TTC28: variants seen among roughly 807,000 people sequenced by gnomAD.
TTC28 encodes the protein tetratricopeptide repeat protein 28.
In TTC28, 61 loss-of-function variants were observed where a neutral mutation model predicts 198.0. The observed-to-expected ratio is 0.31, with a 90% CI of 0.25 to 0.38. TTC28 has a LOEUF of 0.38. Among genes scored for constraint, TTC28 ranks in the 10% least tolerant of loss-of-function variants. TTC28 has a pLI of 1.00. For missense variants in TTC28, 2,678 were observed against 3,164.0 expected, an observed-to-expected ratio of 0.85 and a Z score of 3.69; for synonymous variants, 1,171 against 1,297.8, an observed-to-expected ratio of 0.90 and a Z score of 2.10.
chr22:28,114,340 C>G (rs1942572260), intron 6 of TTC28, among the ~76,000 whole-genome samples: 1 of 152,182 alleles, frequency 6.6e-6, no homozygotes, highest in Non-Finnish European at 1.5e-5. Flanking sequence ...CTCAAGTTTT[C>G]ACATATAAGT....
At chr22:28,471,467 T>TA (rs2048095735) in intron 2 of TTC28, among the ~76,000 whole-genome samples, 2 of 152,156 alleles carry the variant, frequency 1.3e-5, no homozygotes, top group Admixed American at 1.3e-4. Flanking sequence ...AATGCATGTT[T>TA]AACATAAACT....
intron 2 of TTC28, among the ~76,000 whole-genome samples, chr22:28,391,803 C>T (rs556745551): frequency 7.9e-4 from 121 of 152,302 alleles, no homozygotes; most frequent in Middle Eastern, 3.4e-3. Context: ...TCCCGTAGCT[C>T]GGAGTAATTT....
chr22:28,600,793 CAACAATTT>C (rs2050627769), intron 2 of TTC28, among the ~76,000 whole-genome samples: 1 of 152,132 alleles, frequency 6.6e-6, no homozygotes, highest in Non-Finnish European at 1.5e-5. Flanking sequence ...GCATTTTACT[CAACAATTT>C]GCAGCTCTTA....
In TTC28 at chr22:28,543,102, A is replaced by C. The variant is rs2049452757; in HGVS notation, c.381+86450T>G. ...GTAATCCCAGCACTTTGGGAGGCCA[A>C]GTTGTGAGGACTGCTTGAGTCCACG... On this transcript the variant is annotated intron_variant, in intron 2 of 22. Coordinates refer to ENST00000397906, the MANE Select transcript of TTC28 (RefSeq NM_001145418.2). Among the ~76,000 whole-genome samples, 3 of 152,320 alleles carry C rather than the reference A, an allele frequency of 2.0e-5. No homozygotes were observed. The South Asian group carries it at 6.2e-4, about 32-fold the overall frequency.
intron 6 of TTC28, among the ~76,000 whole-genome samples, chr22:28,155,012 C>T (rs951852192): frequency 1.3e-5 from 2 of 152,160 alleles, no homozygotes; most frequent in South Asian, 2.1e-4. Context: ...TCATCTACAT[C>T]GTGGAAGTTC....
intron 6 of TTC28, among the ~76,000 whole-genome samples, chr22:28,129,884 A>T (rs1430977985): frequency 1.3e-5 from 2 of 152,188 alleles, no homozygotes; most frequent in African/African-American, 4.8e-5. Flanking sequence ...GTCTAAGGTG[A>T]GGCCAAGGGA....
intron 17 of TTC28, among the ~76,000 whole-genome samples, chr22:27,994,125 ACAG>A (rs1234890220): frequency 6.6e-6 from 1 of 152,202 alleles, no homozygotes; most frequent in Non-Finnish European, 1.5e-5. Context: ...GAGTGTTTTA[ACAG>A]TAGTACAGGG....
intron 6 of TTC28, among the ~76,000 whole-genome samples, chr22:28,157,905 G>T (rs1208230771): frequency 2.0e-5 from 3 of 152,050 alleles, no homozygotes; most frequent in Non-Finnish European, 4.4e-5. Flanking sequence ...AGTACTGGAG[G>T]TCCTAGCTAC....
intron 12 of TTC28, among the ~76,000 whole-genome samples, chr22:28,047,558 G>T (rs1267545475): frequency 6.6e-6 from 1 of 152,152 alleles, no homozygotes; most frequent in Non-Finnish European, 1.5e-5. Context: ...AAAAAGCAAG[G>T]TTCCACTCTA....
chr22:28,072,812 T>G (rs1172193724), intron 12 of TTC28, among the ~76,000 whole-genome samples: 2 of 152,066 alleles, frequency 1.3e-5, no homozygotes, highest in Non-Finnish European at 2.9e-5. Flanking sequence ...AACAGAGGGT[T>G]TACACCAGGA....
intron 2 of TTC28, among the ~76,000 whole-genome samples, chr22:28,328,875 A>T (rs2045574308): frequency 1.3e-5 from 2 of 151,692 alleles, no homozygotes; most frequent in South Asian, 4.2e-4. Context: ...TACAGAAAGG[A>T]GTACAAAGGC....
At chr22:28,532,676 A>C (rs1409144569) in intron 2 of TTC28, among the ~76,000 whole-genome samples, 1 of 152,216 alleles carries the variant, frequency 6.6e-6, no homozygotes, top group Non-Finnish European at 1.5e-5. Flanking sequence ...TTGGCAAACC[A>C]AATCCAGCAG....
chr22:27,999,126 G>A lies in TTC28; in HGVS notation c.4533C>T (p.Ala1511=), dbSNP rs1247669071. 5.8e-6 allele frequency: 9 copies of A among 1,550,622 alleles called. No homozygotes were observed. In the East Asian group the frequency reaches 2.2e-4, roughly 38 times the overall value. The change falls in exon 16 of 23, where the codon GCC becomes GCT. Residue 1511 remains alanine, a synonymous_variant. Transcript: ENST00000397906. ...WGPMPSAEEE[A]YMVSELLGCQ... ...AGCCCAGCAGCTCGGACACCATGTAGGCCTCTTCCTCGGCCGATGGCATGG... is the reference window on the plus strand; with the variant it reads ...AGCCCAGCAGCTCGGACACCATGTAAGCCTCTTCCTCGGCCGATGGCATGG...
chr22:28,415,916 A>G (rs574481598), intron 2 of TTC28, among the ~76,000 whole-genome samples: 1 of 152,364 alleles, frequency 6.6e-6, no homozygotes, highest in East Asian at 1.9e-4. Context: ...TTTTTAAAAT[A>G]CTAAATGTAT....
At chr22:28,207,724 T>C (rs1407003433) in intron 5 of TTC28, among the ~76,000 whole-genome samples, 1 of 152,164 alleles carries the variant, frequency 6.6e-6, no homozygotes, top group Middle Eastern at 3.2e-3. Context: ...CACGTGGGAA[T>C]GGTCTCTATT....
At chr22:28,000,216 G>T (rs547315920) in intron 15 of TTC28, 7 of 152,278 alleles carry the variant, frequency 4.6e-5, no homozygotes, top group Admixed American at 4.6e-4. Context: ...ACTTTGAACT[G>T]ATTCTTTGCT....
At chr22:28,296,076 T>A in intron 5 of TTC28, 122 bp downstream of exon 5, 1 of 1,066,432 alleles carries the variant, frequency 9.4e-7, no homozygotes, top group Non-Finnish European at 1.3e-6. Flanking sequence ...AAGTCTCAAG[T>A]AATACTTTCT....
At chr22:28,587,490 C>G (rs1233352722) in intron 2 of TTC28, among the ~76,000 whole-genome samples, 1 of 152,090 alleles carries the variant, frequency 6.6e-6, no homozygotes, top group Non-Finnish European at 1.5e-5. Context: ...AAAGAATCCT[C>G]CTAATTTTTA....
At chr22:28,415,557 C>T (rs2047156065) in intron 2 of TTC28, among the ~76,000 whole-genome samples, 1 of 152,196 alleles carries the variant, frequency 6.6e-6, no homozygotes, top group Non-Finnish European at 1.5e-5. Flanking sequence ...GAATAATGTA[C>T]TGCTTGACAC....
Sources: allele counts gnomAD v4.1 joint callset (sites outside exome capture counted in the v4.1 genomes callset), GRCh38; gene constraint gnomAD v4.1.1; transcripts MANE v1.5; gene names NCBI Gene and HGNC (gene_info 2026-07-23, HGNC 2026-07-21).